CCDC3: variants seen among roughly 807,000 people sequenced by gnomAD.
CCDC3 encodes the protein coiled-coil domain-containing protein 3.
In CCDC3, 24 loss-of-function variants were observed where a neutral mutation model predicts 21.4. The observed-to-expected ratio is 1.12, with a 90% CI of 0.81 to 1.58. The LOEUF (loss-of-function observed/expected upper bound fraction) is 1.58, where lower values mean the gene tolerates loss of function less well. Ranked by LOEUF, CCDC3 falls within the 40% of genes most tolerant of loss-of-function variation. The pLI is 0.00. For synonymous variants in CCDC3, 186 were observed against 166.0 expected (o/e 1.12, Z -0.93); for missense variants, 425 against 360.9 (o/e 1.18, Z -1.44).
intron 2 of CCDC3, among the ~76,000 whole-genome samples, chr10:12,959,329 A>C (rs1835144249): frequency 6.6e-6 from 1 of 151,946 alleles, no homozygotes; most frequent in Non-Finnish European, 1.5e-5. Flanking sequence ...CAGCATGCCC[A>C]GCTAATTTTT....
intron 5 of CCDC3, among the ~76,000 whole-genome samples, chr10:13,010,471 CA>C (rs1835971280): frequency 6.6e-6 from 1 of 152,072 alleles, no homozygotes; most frequent in African/African-American, 2.4e-5. Flanking sequence ...ATGACCATAC[CA>C]AGTGTTGTCA....
At chr10:13,020,920 G>T (rs1456446691) in intron 5 of CCDC3, among the ~76,000 whole-genome samples, 1 of 151,988 alleles carries the variant, frequency 6.6e-6, no homozygotes. Context: ...TGAGCACTAG[G>T]TATCAGTAAT....
intron 2 of CCDC3, among the ~76,000 whole-genome samples, chr10:12,959,793 G>T (rs1342890917): frequency 6.6e-6 from 1 of 152,074 alleles, no homozygotes; most frequent in East Asian, 1.9e-4. Context: ...CCTTACCATT[G>T]CGTCCCATGG....
At chr10:13,088,614 A>G (rs929864376) in intron 3 of CCDC3, among the ~76,000 whole-genome samples, 4 of 152,240 alleles carry the variant, frequency 2.6e-5, no homozygotes, top group Non-Finnish European at 5.9e-5. Flanking sequence ...GGAATGAGAC[A>G]GGCTGCCGCT....
chr10:12,912,073 T>C (rs1834278776), intron 2 of CCDC3, among the ~76,000 whole-genome samples: 1 of 152,212 alleles, frequency 6.6e-6, no homozygotes, highest in Non-Finnish European at 1.5e-5. Flanking sequence ...ATTCCCTATC[T>C]CGACTATTGT....
intron 5 of CCDC3, among the ~76,000 whole-genome samples, chr10:13,007,015 C>A (rs370997440): frequency 6.6e-6 from 1 of 152,154 alleles, no homozygotes; most frequent in Non-Finnish European, 1.5e-5. Context: ...CCGACCTTTA[C>A]GGTAGAGGTA....
At chr10:13,048,698 A>G (rs1352656828) in intron 5 of CCDC3, among the ~76,000 whole-genome samples, 1 of 152,136 alleles carries the variant, frequency 6.6e-6, no homozygotes, top group African/African-American at 2.4e-5. Flanking sequence ...CCACAAGCAG[A>G]TGAGTCAACT....
intron 4 of CCDC3, among the ~76,000 whole-genome samples, chr10:13,057,026 T>C (rs1464102035): frequency 6.6e-6 from 1 of 152,156 alleles, no homozygotes; most frequent in Non-Finnish European, 1.5e-5. Flanking sequence ...GCACAGTAGC[T>C]CTTGCATGTA....
upstream of CCDC3, among the ~76,000 whole-genome samples, chr10:13,005,165 T>C (rs1470664054): frequency 1.3e-5 from 2 of 152,244 alleles, no homozygotes; most frequent in African/African-American, 4.8e-5. Flanking sequence ...GGAGAATTTT[T>C]CTTCACCAGT....
At chr10:13,063,669 T>C (rs1461552288) in intron 4 of CCDC3, among the ~76,000 whole-genome samples, 2 of 152,214 alleles carry the variant, frequency 1.3e-5, no homozygotes, top group Admixed American at 1.3e-4. Flanking sequence ...CCACCAGATG[T>C]ACCACCTCTC....
intron 2 of CCDC3, among the ~76,000 whole-genome samples, chr10:12,904,114 C>A (rs1834133305): frequency 6.6e-6 from 1 of 151,996 alleles, no homozygotes; most frequent in Non-Finnish European, 1.5e-5. Context: ...TTCATGGGAG[C>A]TGGAGGAGGG....
chr10:13,078,738 T>A (rs1836996392), intron 3 of CCDC3, among the ~76,000 whole-genome samples: 1 of 152,132 alleles, frequency 6.6e-6, no homozygotes, highest in South Asian at 2.1e-4. Context: ...GAAACCACCA[T>A]TCTGAGCAAA....
At chr10:13,094,912 C>A (rs990792153) in intron 3 of CCDC3, among the ~76,000 whole-genome samples, 1 of 151,990 alleles carries the variant, frequency 6.6e-6, no homozygotes, top group African/African-American at 2.4e-5. Context: ...GAGCTTAGCA[C>A]AGCACACACA....
At chr10:12,990,533 G>A (rs189248678) in intron 2 of CCDC3, among the ~76,000 whole-genome samples, 113 of 152,304 alleles carry the variant, frequency 7.4e-4, no homozygotes, top group Admixed American at 1.4e-3. Flanking sequence ...TCTTGAAGGT[G>A]AATAAAGTAA....
intron 3 of CCDC3, among the ~76,000 whole-genome samples, chr10:13,095,272 A>T (rs986557764): frequency 6.6e-5 from 10 of 152,202 alleles, no homozygotes; most frequent in Admixed American, 5.2e-4. Flanking sequence ...TAAAGCTGAG[A>T]CAAAGTCCAG....
intron 5 of CCDC3, among the ~76,000 whole-genome samples, chr10:13,023,645 T>A (rs886646220): frequency 6.6e-6 from 1 of 152,018 alleles, no homozygotes; most frequent in African/African-American, 2.4e-5. Flanking sequence ...TCCCAGGAAA[T>A]AAGATTCATT....
intron 4 of CCDC3, among the ~76,000 whole-genome samples, chr10:13,073,146 A>G (rs1836907430): frequency 6.6e-6 from 1 of 152,148 alleles, no homozygotes; most frequent in Admixed American, 6.5e-5. Context: ...GATTACAGGC[A>G]TGAGCCACTA....
intron 5 of CCDC3, among the ~76,000 whole-genome samples, chr10:13,036,086 G>A (rs976484948): frequency 6.6e-6 from 1 of 152,108 alleles, no homozygotes; most frequent in African/African-American, 2.4e-5. Context: ...GGAGAACGCA[G>A]TGAGCCGAGA....
Position 13,001,256 on chromosome 10 carries a change from G to T in CCDC3, c.315C>A (p.Gly105=). The part of the protein sequence containing the change: ...AGSRLNLTGL[G]YFSCHSHTVV... ...CGGTGTGGGAGTGGCACGAGAAGTAGCCCAGGCCGGTGAGGTTGAGCCTGG... is the reference window on the plus strand; with the variant it reads ...CGGTGTGGGAGTGGCACGAGAAGTATCCCAGGCCGGTGAGGTTGAGCCTGG... The change falls in exon 1 of 3, where the codon GGC becomes GGA. Residue 105 remains glycine, a synonymous_variant. Coordinates refer to ENST00000378825, the MANE Select transcript of CCDC3 (RefSeq NM_031455.4). 6.3e-7 allele frequency: 1 copy of T among 1,593,562 alleles called. No homozygotes were observed.
Sources: allele counts gnomAD v4.1 joint callset (sites outside exome capture counted in the v4.1 genomes callset), GRCh38; gene constraint gnomAD v4.1.1; transcripts MANE v1.5; gene names NCBI Gene and HGNC (gene_info 2026-07-23, HGNC 2026-07-21).